OPCML: variants seen among roughly 807,000 people sequenced by gnomAD.
OPCML encodes opioid-binding protein/cell adhesion molecule.
OPCML carries 13 observed loss-of-function variants against 37.8 expected under a neutral mutation model. That is an observed-to-expected ratio of 0.34 (90% CI 0.22 to 0.55). OPCML has a LOEUF of 0.55. Among genes scored for constraint, OPCML ranks in the 20% least tolerant of loss-of-function variants. The pLI, the probability that OPCML is intolerant of heterozygous loss-of-function variation, is 0.91. For synonymous variants in OPCML, 176 were observed against 168.8 expected, an observed-to-expected ratio of 1.04 and a Z score of -0.33; for missense variants, 341 against 435.6, an observed-to-expected ratio of 0.78 and a Z score of 1.93.
At chr11:132,638,639 T>A (rs1178882818) in intron 3 of OPCML, among the ~76,000 whole-genome samples, 2 of 152,130 alleles carry the variant, frequency 1.3e-5, no homozygotes, top group African/African-American at 4.8e-5. Context: ...TTTTGAGATG[T>A]CTTTTAAGAC....
chr11:133,175,676 G>A (rs1373041477), intron 1 of OPCML, among the ~76,000 whole-genome samples: 1 of 143,538 alleles, frequency 7.0e-6, no homozygotes, highest in African/African-American at 2.6e-5. Flanking sequence ...TTTTTTTTGA[G>A]AGTCTGGATT....
At chr11:133,282,151 T>C (rs1008580487) in intron 1 of OPCML, among the ~76,000 whole-genome samples, 8 of 152,074 alleles carry the variant, frequency 5.3e-5, no homozygotes, top group South Asian at 2.1e-4. Context: ...GCTAGAGAGA[T>C]TAACATGACT....
intron 1 of OPCML, among the ~76,000 whole-genome samples, chr11:133,063,316 C>T (rs1274414134): frequency 6.6e-6 from 1 of 152,126 alleles, no homozygotes; most frequent in Non-Finnish European, 1.5e-5. Context: ...CTCCTGTCTC[C>T]TTCTTAAACC....
At position 132,509,227 on chromosome 11, in the gene OPCML, T is replaced by C. The variant is rs182570968; in HGVS notation, c.505+19834A>G. 1.7e-4 allele frequency among the ~76,000 whole-genome samples: 26 copies of C among 152,222 alleles called. No homozygotes were observed. The East Asian group carries it at 4.8e-3, about 28-fold the overall frequency. Reference sequence around the variant, plus strand: ...GATTTTGGGTATCTGGCAGAAGAAATTTATAAGCAGCAAAGCATTCAAGAG... The same window carrying C: ...GATTTTGGGTATCTGGCAGAAGAAACTTATAAGCAGCAAAGCATTCAAGAG... On this transcript the variant is annotated intron_variant, in intron 4 of 7. Transcript: ENST00000524381.
intron 2 of OPCML, among the ~76,000 whole-genome samples, chr11:132,744,419 T>C (rs1945544375): frequency 6.6e-6 from 1 of 152,236 alleles, no homozygotes. Flanking sequence ...AACTGGTTCT[T>C]TCTAGTATTT....
At chr11:132,492,276 G>A (rs2096218460) in intron 4 of OPCML, among the ~76,000 whole-genome samples, 1 of 151,968 alleles carries the variant, frequency 6.6e-6, no homozygotes, top group South Asian at 2.1e-4. Flanking sequence ...GGGCCCGCGA[G>A]GAGAAACAAA....
intron 2 of OPCML, among the ~76,000 whole-genome samples, chr11:132,864,231 C>A (rs1198851775): frequency 6.6e-6 from 1 of 152,182 alleles, no homozygotes; most frequent in African/African-American, 2.4e-5. Context: ...AGCCACCGCA[C>A]CCAGCCTGAT....
chr11:132,588,653 C>T (rs2096478277), intron 3 of OPCML, among the ~76,000 whole-genome samples: 1 of 152,144 alleles, frequency 6.6e-6, no homozygotes, highest in African/African-American at 2.4e-5. Context: ...CTGAGTTTCT[C>T]TATGGGAATG....
At chr11:132,488,300 G>C (rs927204152) in intron 4 of OPCML, among the ~76,000 whole-genome samples, 1 of 152,168 alleles carries the variant, frequency 6.6e-6, no homozygotes, top group Non-Finnish European at 1.5e-5. Context: ...GGATACTTCT[G>C]GGAAATGTGT....
chr11:133,216,473 A>G (rs1181234696), intron 1 of OPCML, among the ~76,000 whole-genome samples: 1 of 152,214 alleles, frequency 6.6e-6, no homozygotes, highest in Non-Finnish European at 1.5e-5. Flanking sequence ...ACCCAAGAGA[A>G]TGAGGCACTC....
At chr11:133,307,504 T>C (rs1000149806) in intron 1 of OPCML, among the ~76,000 whole-genome samples, 5 of 152,206 alleles carry the variant, frequency 3.3e-5, no homozygotes, top group African/African-American at 1.2e-4. Context: ...AATTTGTTTT[T>C]CTGCACTGCA....
intron 4 of OPCML, among the ~76,000 whole-genome samples, chr11:132,467,484 C>T (rs1443656052): frequency 6.6e-6 from 1 of 152,348 alleles, no homozygotes; most frequent in East Asian, 1.9e-4. Context: ...CATTTTGCCC[C>T]TTAATTATAT....
At chr11:133,520,251 C>T (rs968504156) in intron 1 of OPCML, among the ~76,000 whole-genome samples, 1 of 152,054 alleles carries the variant, frequency 6.6e-6, no homozygotes, top group African/African-American at 2.4e-5. Flanking sequence ...GTGGGAGGTT[C>T]CTGGTCTCAA....
At chr11:133,457,398 G>T (rs1313246464) in intron 1 of OPCML, among the ~76,000 whole-genome samples, 1 of 151,956 alleles carries the variant, frequency 6.6e-6, no homozygotes, top group Non-Finnish European at 1.5e-5. Flanking sequence ...AATCAACTGG[G>T]CATGGTGGTG....
intron 2 of OPCML, among the ~76,000 whole-genome samples, chr11:132,754,583 A>C (rs1945970125): frequency 6.6e-6 from 1 of 152,134 alleles, no homozygotes; most frequent in Non-Finnish European, 1.5e-5. Flanking sequence ...AATACATTCC[A>C]TCACAAAGAA....
intron 2 of OPCML, among the ~76,000 whole-genome samples, chr11:132,927,615 T>C (rs879847736): frequency 5.9e-5 from 9 of 152,132 alleles, no homozygotes; most frequent in Non-Finnish European, 1.3e-4. Flanking sequence ...AGCTGGAAAG[T>C]AATTTAAATT....
chr11:132,455,550 T>C (rs560876173), intron 4 of OPCML, among the ~76,000 whole-genome samples: 2 of 152,252 alleles, frequency 1.3e-5, no homozygotes, highest in African/African-American at 4.8e-5. Flanking sequence ...TCTCCCTTGC[T>C]GGAGATAGTC....
intron 2 of OPCML, among the ~76,000 whole-genome samples, chr11:132,936,416 G>T (rs1945376321): frequency 6.6e-6 from 1 of 152,174 alleles, no homozygotes; most frequent in Non-Finnish European, 1.5e-5. Context: ...TGTTAATAGG[G>T]ATTGTAATGG....
chr11:133,024,693 G>A (rs989107705), intron 1 of OPCML: 1 of 831,420 alleles, frequency 1.2e-6, no homozygotes, highest in Non-Finnish European at 1.5e-6. Context: ...AAGTGGTGGG[G>A]GATGGGGAGG....
Sources: gnomAD v4.1 joint callset for allele counts (sites outside exome capture counted in the v4.1 genomes callset) on GRCh38, gnomAD v4.1.1 for gene constraint, MANE v1.5 for transcripts, NCBI Gene and HGNC (gene_info 2026-07-23, HGNC 2026-07-21) for gene names.